SUPT3H: variants seen among roughly 807,000 people sequenced by gnomAD.
SUPT3H encodes transcription initiation protein SPT3 homolog.
Under a neutral mutation model 44.3 loss-of-function variants are expected in SUPT3H, and 44 were observed. The ratio of observed to expected loss-of-function variants is 0.99; its 90% confidence interval spans 0.78 to 1.28. The LOEUF (loss-of-function observed/expected upper bound fraction) is 1.28, where lower values mean the gene tolerates loss of function less well. SUPT3H is among the 50% of genes most tolerant of loss of function. SUPT3H has a pLI of 0.00. For missense variants in SUPT3H, 380 were observed against 387.1 expected, an observed-to-expected ratio of 0.98 and a Z score of 0.15; for synonymous variants, 124 against 125.6, an observed-to-expected ratio of 0.99 and a Z score of 0.09.
chr6:45,344,100 A>C (rs1790367917), intron 2 of SUPT3H, among the ~76,000 whole-genome samples: 1 of 152,220 alleles, frequency 6.6e-6, no homozygotes, highest in Non-Finnish European at 1.5e-5. Context: ...AGCAATTCAA[A>C]TTCCTTTTAT....
At chr6:45,082,740 T>C (rs1795980392) in intron 3 of SUPT3H, among the ~76,000 whole-genome samples, 1 of 152,114 alleles carries the variant, frequency 6.6e-6, no homozygotes, top group African/African-American at 2.4e-5. Flanking sequence ...CTTTGACTAC[T>C]TCTACTCAAC....
At chr6:45,318,506 T>C (rs774289401) in intron 2 of SUPT3H, among the ~76,000 whole-genome samples, 12 of 152,162 alleles carry the variant, frequency 7.9e-5, no homozygotes, top group African/African-American at 1.4e-4. Context: ...CTGAGAGCTG[T>C]TGGCAGTGGC....
chr6:45,201,076 G>C (rs1248590225), intron 2 of SUPT3H, among the ~76,000 whole-genome samples: 1 of 151,508 alleles, frequency 6.6e-6, no homozygotes, highest in Admixed American at 6.6e-5. Flanking sequence ...CTGATGATTA[G>C]TAACTTACAT....
intron 2 of SUPT3H, among the ~76,000 whole-genome samples, chr6:45,355,576 C>G (rs1793007921): frequency 6.6e-6 from 1 of 152,054 alleles, no homozygotes; most frequent in Admixed American, 6.6e-5. Flanking sequence ...CTTAATCACT[C>G]AGATGTAGCA....
intron 2 of SUPT3H, among the ~76,000 whole-genome samples, chr6:45,292,968 T>A (rs986640906): frequency 1.3e-5 from 2 of 151,832 alleles, no homozygotes; most frequent in African/African-American, 4.8e-5. Context: ...ATTTAAACTA[T>A]ACCTTGGAAC....
intron 2 of SUPT3H, among the ~76,000 whole-genome samples, chr6:45,237,904 C>G (rs1223910924): frequency 6.6e-6 from 1 of 152,176 alleles, no homozygotes; most frequent in Admixed American, 6.5e-5. Context: ...GGATTGCCTT[C>G]TCCTGCTATG....
chr6:45,070,929 G>T (rs1257877714), intron 3 of SUPT3H, among the ~76,000 whole-genome samples: 2 of 151,948 alleles, frequency 1.3e-5, no homozygotes, highest in African/African-American at 2.4e-5. Context: ...CATCCGAGCC[G>T]CAAAACAAAT....
intron 2 of SUPT3H, among the ~76,000 whole-genome samples, chr6:45,208,407 T>A (rs1268097854): frequency 6.6e-6 from 1 of 152,072 alleles, no homozygotes; most frequent in Non-Finnish European, 1.5e-5. Context: ...CTAACTAAGA[T>A]CACTGATGAA....
intron 2 of SUPT3H, among the ~76,000 whole-genome samples, chr6:45,267,225 G>A (rs977594058): frequency 1.3e-5 from 2 of 152,060 alleles, no homozygotes; most frequent in African/African-American, 4.8e-5. Flanking sequence ...ACATATCTCC[G>A]ATTTTAATTT....
At chr6:45,307,982 T>C (rs1194548163) in intron 2 of SUPT3H, among the ~76,000 whole-genome samples, 2 of 152,212 alleles carry the variant, frequency 1.3e-5, no homozygotes, top group Non-Finnish European at 2.9e-5. Flanking sequence ...AGTAGCCGAT[T>C]TGATCAACTG....
intron 6 of SUPT3H, among the ~76,000 whole-genome samples, chr6:44,999,681 ATCAG>A (rs1294333345): frequency 4.6e-5 from 7 of 152,020 alleles, no homozygotes; most frequent in South Asian, 2.1e-4. Context: ...CCTTGAATTA[ATCAG>A]TCAAAGATGG....
intron 2 of SUPT3H, among the ~76,000 whole-genome samples, chr6:45,181,286 A>C (rs1188257809): frequency 1.3e-5 from 2 of 149,370 alleles, no homozygotes; most frequent in Non-Finnish European, 3.0e-5. Context: ...AACTAGTTCA[A>C]CCATTGTGGA....
intron 3 of SUPT3H, among the ~76,000 whole-genome samples, chr6:45,032,579 T>C (rs548801936): frequency 6.6e-6 from 1 of 152,276 alleles, no homozygotes; most frequent in South Asian, 2.1e-4. Flanking sequence ...AGGATATTCC[T>C]GGGAGATTCA....
At chr6:45,179,359 TC>T (rs1812662507) in intron 2 of SUPT3H, among the ~76,000 whole-genome samples, 1 of 152,032 alleles carries the variant, frequency 6.6e-6, no homozygotes, top group South Asian at 2.1e-4. Flanking sequence ...AAAGAGGGAA[TC>T]CTCCCTAACT....
At chr6:44,865,451 T>A (rs1197299518) in intron 10 of SUPT3H, among the ~76,000 whole-genome samples, 1 of 152,140 alleles carries the variant, frequency 6.6e-6, no homozygotes, top group Non-Finnish European at 1.5e-5. Flanking sequence ...TACCCAAGAC[T>A]GGGTAATTTA....
rs574327123 is a variant in SUPT3H at position 45,342,507 on chromosome 6, C to T, written c.101+22694G>A. Reference sequence around the variant, plus strand: ...ATCTTCTGACCTCGTAATCCACCCGCCTTGGCCTCCCAAAGTGCTGCGATT... The same window carrying T: ...ATCTTCTGACCTCGTAATCCACCCGTCTTGGCCTCCCAAAGTGCTGCGATT... On this transcript the variant is annotated intron_variant, in intron 2 of 10. Coordinates refer to ENST00000371459, the MANE Select transcript of SUPT3H (RefSeq NM_003599.4). Among the ~76,000 whole-genome samples, 6 of 152,270 alleles carry T rather than the reference C, an allele frequency of 3.9e-5. No homozygotes were observed. In the South Asian group the frequency reaches 1.0e-3, roughly 26 times the overall value.
chr6:44,980,260 GA>G (rs1778911372), intron 6 of SUPT3H, among the ~76,000 whole-genome samples: 1 of 145,628 alleles, frequency 6.9e-6, no homozygotes, highest in Non-Finnish European at 1.5e-5. Flanking sequence ...AAAAAAAAAA[GA>G]AAAAATGACA....
At chr6:44,949,944 A>G (rs951151757) in intron 9 of SUPT3H, among the ~76,000 whole-genome samples, 1 of 152,212 alleles carries the variant, frequency 6.6e-6, no homozygotes, top group Admixed American at 6.5e-5. Context: ...CATCTACCTA[A>G]GAAAAACAAA....
chr6:45,257,776 G>A (rs1364164573), intron 2 of SUPT3H, among the ~76,000 whole-genome samples: 1 of 152,134 alleles, frequency 6.6e-6, no homozygotes, highest in Non-Finnish European at 1.5e-5. Context: ...GTGAAGCCCT[G>A]ATGGCCTCAT....
Sources: allele counts gnomAD v4.1 joint callset (sites outside exome capture counted in the v4.1 genomes callset), GRCh38; gene constraint gnomAD v4.1.1; transcripts MANE v1.5; gene names NCBI Gene and HGNC (gene_info 2026-07-23, HGNC 2026-07-21).